The following USP42 variants were observed in gnomAD, a reference collection of about 807,000 sequenced individuals.
The protein encoded by USP42 is ubiquitin specific peptidase 42.
In USP42, 23 loss-of-function variants were observed where a neutral mutation model predicts 113.0. The ratio of observed to expected loss-of-function variants is 0.20; its 90% CI spans 0.15 to 0.29. The LOEUF (loss-of-function observed/expected upper bound fraction) is 0.29, where lower values mean the gene tolerates loss of function less well. USP42 is among the 10% of genes least tolerant of loss of function. USP42 has a pLI of 1.00. For missense variants in USP42, 2,174 were observed against 1,779.8 expected (o/e 1.22, Z -3.99); for synonymous variants, 933 against 699.0 (o/e 1.33, Z -5.28).
In USP42 at chr7:6,154,848, G is replaced by C; in HGVS notation, c.3294G>C (p.Arg1098=). ...AGCGGCCGCACAAGGACCACAACCG[G>C]GGCCGTAGGGGCTGCGAGCCGGCCC... ...LHERPHKDHN[R]GRRGCEPARE... Residue 1098 remains arginine (R), a synonymous_variant, in exon 15 of 18, where the codon CGG becomes CGC. Transcript: ENST00000306177. 1 of 1,533,152 alleles carries C rather than the reference G, an allele frequency of 6.5e-7. No homozygotes were observed. The highest frequency in any genetic ancestry group is 8.8e-7 in the Non-Finnish European group (1 of 1,138,090). The allele number at this position is 1,533,152 out of a possible 1,614,324, so 95.0% of individuals were successfully genotyped here. A position where few individuals can be genotyped will look rare whatever the true frequency, so the allele number is the denominator to read the frequency against.
At position 6,154,121 on chromosome 7, in the gene USP42, GT is replaced by G. The variant is rs1782250153; in HGVS notation, c.2568del (p.Pro857ArgfsTer284). On this transcript the variant is annotated frameshift_variant, in exon 15 of 18. Transcript: ENST00000306177. LOFTEE classifies it high-confidence loss of function. The stretch of plus-strand genomic sequence containing the variant: ...TTGGCGGAAGCCCCGGAAGGGTTGA[GT>G]CCGGCTCCGCCTGCGCGGTCGGAGG... ...SALAEAPEGL[S>X]PAPPARSEEP... is the part of the protein sequence containing the mutation. 6.2e-7 allele frequency: 1 copy of G among 1,601,424 alleles called. No homozygotes were observed. Among genetic ancestry groups the G allele is most frequent in the Admixed American group, 1.7e-5 (1 of 59,764 alleles).
chr7:6,145,030 C>T (rs1781635244), intron 9 of USP42, among the ~76,000 whole-genome samples: 1 of 152,158 alleles, frequency 6.6e-6, no homozygotes, highest in South Asian at 2.1e-4. Flanking sequence ...CCCGGTTAAC[C>T]ATGCCCTTTG....
intron 3 of USP42, among the ~76,000 whole-genome samples, chr7:6,123,358 A>G (rs535719829): frequency 2.6e-5 from 4 of 152,042 alleles, no homozygotes; most frequent in South Asian, 2.1e-4. Flanking sequence ...CCCTCTCTGT[A>G]TAATATAAAA....
chr7:6,132,818 C>T (rs1352405746), intron 3 of USP42, among the ~76,000 whole-genome samples: 3 of 152,108 alleles, frequency 2.0e-5, no homozygotes, highest in Middle Eastern at 3.2e-3. Context: ...ACCACAGGTG[C>T]GTGCCACCAC....
At chr7:6,096,380 G>T in the USP42 span, among the ~76,000 whole-genome samples, 1 of 151,178 alleles carries the variant, frequency 6.6e-6, no homozygotes, top group South Asian at 2.1e-4. Context: ...GGAGAGGGGA[G>T]ATGGGTGCAT....
intron 12 of USP42, among the ~76,000 whole-genome samples, chr7:6,148,945 A>G (rs895327310): frequency 6.6e-6 from 1 of 152,186 alleles, no homozygotes; most frequent in Non-Finnish European, 1.5e-5. Flanking sequence ...TGTTTTTACC[A>G]TGAAGCTTTC....
chr7:6,143,373 C>T (rs10282278), intron 8 of USP42, among the ~76,000 whole-genome samples: 8,914 of 152,138 alleles, frequency 0.059, 381 homozygotes, highest in African/African-American at 0.11. Context: ...AAGAGGGCTG[C>T]CGTCGGGTGG....
chr7:6,092,054 T>TTCTTCC, the USP42 span, among the ~76,000 whole-genome samples: 2 of 37,932 alleles, frequency 5.3e-5, no homozygotes, highest in African/African-American at 1.5e-4. Context: ...CTTCTTCTTC[T>TTCTTCC]TTCTTCTTCT....
the USP42 span, among the ~76,000 whole-genome samples, chr7:6,083,194 G>C: frequency 6.7e-6 from 1 of 149,084 alleles, no homozygotes; most frequent in Non-Finnish European, 1.5e-5. Flanking sequence ...CAAAGGGCTG[G>C]GGTTACAGGC....
chr7:6,126,921 T>C (rs779806101), intron 3 of USP42, among the ~76,000 whole-genome samples: 3 of 152,232 alleles, frequency 2.0e-5, no homozygotes, highest in African/African-American at 4.8e-5. Context: ...GGTAGTTGCA[T>C]ATTTGATTTT....
the USP42 span, chr7:6,089,023 A>ATATTTATT: frequency 7.5e-3 from 1,106 of 147,970 alleles, 65 homozygotes; most frequent in African/African-American, 0.027. Context: ...TTTCTTTTCT[A>ATATTTATT]TATTTATTTA....
In USP42 at chr7:6,149,945, C is replaced by T. The variant is rs775888166; in HGVS notation, c.1749C>T (p.Pro583=). The change falls in exon 13 of 18, where the codon CCC becomes CCT. Residue 583 remains proline, a synonymous_variant. Transcript: ENST00000306177. ...CTAGTAAAGTAACAAAACCGATCCC[C>T]CGCAGTGAATCCTGCTCCCAGCCCG... is the stretch of plus-strand genomic sequence containing the variant. ...SVSSKVTKPI[P]RSESCSQPVM... The T allele has an allele frequency of 9.9e-6, 16 of 1,613,908 alleles. No homozygotes were observed. Among genetic ancestry groups the T allele is most frequent in the Non-Finnish European group, 1.4e-5 (16 of 1,179,910 alleles).
At chr7:6,085,441 T>C in the USP42 span, among the ~76,000 whole-genome samples, 3 of 150,534 alleles carry the variant, frequency 2.0e-5, no homozygotes, top group Non-Finnish European at 1.5e-5. Flanking sequence ...CCCTTTTAGT[T>C]GTTGGAACTC....
chr7:6,094,345 A>G, the USP42 span, among the ~76,000 whole-genome samples: 1 of 149,942 alleles, frequency 6.7e-6, no homozygotes, highest in African/African-American at 2.5e-5. Flanking sequence ...CTAATTTTTT[A>G]TTTTTTGTAG....
chr7:6,108,543 C>T (rs552030458), intron 1 of USP42, among the ~76,000 whole-genome samples: 6 of 152,058 alleles, frequency 3.9e-5, no homozygotes, highest in Non-Finnish European at 8.8e-5. Flanking sequence ...TGCAGTGGCG[C>T]GATCTCAGCT....
intron 1 of USP42, among the ~76,000 whole-genome samples, chr7:6,107,409 C>CTTTTT (rs774259719): frequency 2.3e-5 from 3 of 130,788 alleles, no homozygotes; most frequent in Non-Finnish European, 3.3e-5. Flanking sequence ...TCTTCCTTTT[C>CTTTTT]TTTTTTTTTT....
intron 3 of USP42, among the ~76,000 whole-genome samples, chr7:6,120,775 G>C (rs952295014): frequency 6.6e-6 from 1 of 151,654 alleles, no homozygotes; most frequent in African/African-American, 2.4e-5. Flanking sequence ...GTAGAGATGG[G>C]GTTTCACCCT....
At chr7:6,122,850 T>G (rs2128487852) in intron 3 of USP42, among the ~76,000 whole-genome samples, 2 of 151,950 alleles carry the variant, frequency 1.3e-5, no homozygotes, top group South Asian at 4.2e-4. Flanking sequence ...GACAGTTGTC[T>G]TGAACTGCTG....
chr7:6,128,402 C>G (rs1780658091), intron 3 of USP42, among the ~76,000 whole-genome samples: 1 of 152,108 alleles, frequency 6.6e-6, no homozygotes, highest in Non-Finnish European at 1.5e-5. Context: ...GTTGGGACCA[C>G]AGGCATGCAC....
Sources: gnomAD v4.1 joint callset for allele counts (sites outside exome capture counted in the v4.1 genomes callset) on GRCh38, gnomAD v4.1.1 for gene constraint, MANE v1.5 for transcripts, NCBI Gene and HGNC (gene_info 2026-07-23, HGNC 2026-07-21) for gene names.